NSG1: variants seen among roughly 807,000 people sequenced by gnomAD.
The protein encoded by NSG1 is neuronal vesicle trafficking-associated protein 1.
Under a neutral mutation model 19.3 loss-of-function variants are expected in NSG1, and 9 were observed. The observed-to-expected ratio is 0.47, with a 90% CI of 0.28 to 0.81. NSG1 has a LOEUF of 0.81. Ranked by LOEUF, NSG1 falls within the 40% of genes least tolerant of loss-of-function variation. NSG1 has a pLI of 0.11. For missense variants in NSG1, 236 were observed against 242.4 expected (o/e 0.97, Z 0.18); for synonymous variants, 104 against 107.0 (o/e 0.97, Z 0.17).
intron 3 of NSG1, among the ~76,000 whole-genome samples, chr4:4,405,429 C>T (rs1477655738): frequency 6.6e-6 from 1 of 152,180 alleles, no homozygotes; most frequent in Non-Finnish European, 1.5e-5. Flanking sequence ...GTGCTCTCAA[C>T]TTGTGGTCTC....
chr4:4,410,462 G>A lies in NSG1; in HGVS notation c.357+779G>A, dbSNP rs569547893. ...CTCACAGAGTGTCCTGTACACCCAC[G>A]CGGCCCAGCCTGCTACACACCCGGG... On this transcript the variant is annotated intron_variant, in intron 4 of 4. Transcript: ENST00000621129. 7.2e-5 allele frequency among the ~76,000 whole-genome samples: 11 copies of A among 152,282 alleles called. No individual in the cohort carries two copies. The South Asian group carries it at 1.0e-3, about 14-fold the overall frequency.
Position 4,396,856 on chromosome 4 carries a change from GGTGGGGGTTCTTCCC to G in NSG1, c.246+5274_246+5288del, listed in dbSNP as rs1723278651. Among the ~76,000 whole-genome samples, 3 of 152,114 alleles carry G rather than the reference GGTGGGGGTTCTTCCC, an allele frequency of 2.0e-5. No homozygotes were observed. In the South Asian group the frequency reaches 6.2e-4, roughly 32 times the overall value. ...CGTTTCCTTGGCATTCAGCAGTGGG[GGTGGGGGTTCTTCCC>G]GTGGGGGTGGTATTGGAGACCCTGA... On this transcript the variant is annotated intron_variant, in intron 3 of 4. Coordinates refer to ENST00000621129, the MANE Select transcript of NSG1 (RefSeq NM_014392.5).
At chr4:4,410,419 C>T (rs1253349361) in intron 4 of NSG1, among the ~76,000 whole-genome samples, 1 of 152,226 alleles carries the variant, frequency 6.6e-6, no homozygotes, top group Non-Finnish European at 1.5e-5. Flanking sequence ...TGTTAGGCGA[C>T]TCCATCATTG....
chr4:4,401,546 G>T (rs1324784699), intron 3 of NSG1, among the ~76,000 whole-genome samples: 1 of 152,116 alleles, frequency 6.6e-6, no homozygotes, highest in Non-Finnish European at 1.5e-5. Flanking sequence ...TTTGGGACAT[G>T]GACACCTCCT....
intron 3 of NSG1, among the ~76,000 whole-genome samples, chr4:4,399,420 G>C (rs1012970325): frequency 1.4e-5 from 2 of 147,858 alleles, no homozygotes; most frequent in African/African-American, 5.0e-5. Context: ...TGGGATTACA[G>C]GTGTGAGCCA....
chr4:4,404,423 G>A (rs1723741567), intron 3 of NSG1, among the ~76,000 whole-genome samples: 1 of 152,230 alleles, frequency 6.6e-6, no homozygotes, highest in Non-Finnish European at 1.5e-5. Flanking sequence ...CCCTTTCACA[G>A]GAAACCAGGC....
intron 3 of NSG1, among the ~76,000 whole-genome samples, chr4:4,398,438 C>T (rs1185076093): frequency 6.7e-6 from 1 of 150,042 alleles, no homozygotes; most frequent in Non-Finnish European, 1.5e-5. Flanking sequence ...TAAGCAGTCA[C>T]TCCCATGCCC....
At chr4:4,410,619 C>A (rs115199745) in intron 4 of NSG1, among the ~76,000 whole-genome samples, 1 of 152,122 alleles carries the variant, frequency 6.6e-6, no homozygotes, top group Admixed American at 6.5e-5. Flanking sequence ...AGTAAAAACA[C>A]GTTATAACGC....
chr4:4,389,248 G>A (rs1198579107), intron 2 of NSG1, among the ~76,000 whole-genome samples: 1 of 152,224 alleles, frequency 6.6e-6, no homozygotes, highest in Admixed American at 6.5e-5. Flanking sequence ...AGGGTTTCAG[G>A]CAGGTATGAA....
intron 3 of NSG1, among the ~76,000 whole-genome samples, chr4:4,403,890 G>A (rs949455923): frequency 6.6e-6 from 1 of 152,234 alleles, no homozygotes; most frequent in African/African-American, 2.4e-5. Context: ...GTCTGGTGGG[G>A]GGTGTAGCTC....
intron 3 of NSG1, among the ~76,000 whole-genome samples, chr4:4,401,195 G>A (rs1723529323): frequency 6.6e-6 from 1 of 152,194 alleles, no homozygotes; most frequent in Non-Finnish European, 1.5e-5. Context: ...TGTAAATTTC[G>A]GGATAATGTA....
chr4:4,392,215 CTG>C (rs201867456), intron 3 of NSG1, among the ~76,000 whole-genome samples: 1,634 of 152,062 alleles, frequency 0.011, 19 homozygotes, highest in Non-Finnish European at 0.014. Flanking sequence ...GGGTTCCAGC[CTG>C]TCTCGGTGGG....
At chr4:4,410,484 C>T (rs1039409240) in intron 4 of NSG1, among the ~76,000 whole-genome samples, 8 of 152,160 alleles carry the variant, frequency 5.3e-5, no homozygotes, top group Admixed American at 1.3e-4. Context: ...GCTACACACC[C>T]GGGCTGGAGG....
chr4:4,408,741 TGA>T (rs139022089), intron 3 of NSG1, among the ~76,000 whole-genome samples: 13,398 of 152,228 alleles, frequency 0.088, 952 homozygotes, highest in African/African-American at 0.2. Flanking sequence ...ATTACAGGTG[TGA>T]GTCACCACGC....
intron 3 of NSG1, among the ~76,000 whole-genome samples, chr4:4,394,001 T>C (rs1016427106): frequency 5.3e-5 from 8 of 152,208 alleles, no homozygotes; most frequent in Non-Finnish European, 8.8e-5. Context: ...GAGTGATCCA[T>C]GAGCTAGACT....
At chr4:4,395,908 C>A (rs1723227406) in intron 3 of NSG1, among the ~76,000 whole-genome samples, 1 of 152,148 alleles carries the variant, frequency 6.6e-6, no homozygotes, top group Non-Finnish European at 1.5e-5. Context: ...AACGGAGTGT[C>A]TTTTTGCATG....
In NSG1 at chr4:4,391,518, A is replaced by G. The variant is rs1215535939; in HGVS notation, c.173A>G (p.Lys58Arg). The G allele has an allele frequency of 1.9e-6, 3 of 1,613,684 alleles. No individual in the cohort carries two copies. In the South Asian group the frequency reaches 3.3e-5, roughly 18 times the overall value. ...ACCGAGTATGAACCTGACCGCAAGA[A>G]AGGGAAAGCACGTCCTCCCCAAATT... is the stretch of plus-strand genomic sequence containing the variant. ...TKTEYEPDRKKGKARPPQIAE... is the reference protein window; with the variant it reads ...TKTEYEPDRKRGKARPPQIAE... Residue 58 changes from lysine to arginine, a missense_variant, in exon 3 of 5, where the codon AAA becomes AGA. Lys to Arg is a conservative substitution (Grantham distance 26). Transcript: ENST00000621129.
At chr4:4,405,809 C>T (rs971994474) in intron 3 of NSG1, among the ~76,000 whole-genome samples, 5 of 152,306 alleles carry the variant, frequency 3.3e-5, no homozygotes, top group East Asian at 1.9e-4. Flanking sequence ...TCTCGTTGCA[C>T]GGTTCGGCTG....
At chr4:4,407,798 A>G (rs1029872793) in intron 3 of NSG1, among the ~76,000 whole-genome samples, 5 of 152,206 alleles carry the variant, frequency 3.3e-5, no homozygotes, top group African/African-American at 1.2e-4. Context: ...TCTGTGGCTC[A>G]GAGAGGTTAA....
Sources: gnomAD v4.1 joint callset for allele counts (sites outside exome capture counted in the v4.1 genomes callset) on GRCh38, gnomAD v4.1.1 for gene constraint, MANE v1.5 for transcripts, NCBI Gene and HGNC (gene_info 2026-07-23, HGNC 2026-07-21) for gene names.